The following LRP1B variants were observed in gnomAD, a reference collection of about 807,000 sequenced individuals.
LRP1B encodes LDL receptor related protein 1B.
Under a neutral mutation model 556.6 loss-of-function variants are expected in LRP1B, and 217 were observed. That is an observed-to-expected ratio of 0.39 (90% confidence interval 0.35 to 0.44). LRP1B has a LOEUF of 0.44. Among genes scored for constraint, LRP1B ranks in the 20% least tolerant of loss-of-function variants. The probability of loss-of-function intolerance (pLI) is 1.00; values close to 1 mark genes in which losing one functional copy is unlikely to be tolerated. For missense variants in LRP1B, 5,053 were observed against 5,620.8 expected (o/e 0.90, Z 3.23); for synonymous variants, 2,047 against 1,865.8 (o/e 1.10, Z -2.50).
At chr2:140,520,015 G>T (rs1690090650) in intron 49 of LRP1B, among the ~76,000 whole-genome samples, 2 of 151,418 alleles carry the variant, frequency 1.3e-5, no homozygotes, top group African/African-American at 4.8e-5. Flanking sequence ...CACTGTTTTT[G>T]GGAGTGTTCA....
chr2:141,337,836 C>T (rs1412418975), intron 3 of LRP1B, among the ~76,000 whole-genome samples: 1 of 152,264 alleles, frequency 6.6e-6, no homozygotes, highest in East Asian at 1.9e-4. Flanking sequence ...TTTTGAAAAA[C>T]CATCTAAAGT....
At chr2:140,696,066 TAAAACATGAATACTTA>T (rs1303845833) in intron 41 of LRP1B, among the ~76,000 whole-genome samples, 1 of 152,168 alleles carries the variant, frequency 6.6e-6, no homozygotes, top group African/African-American at 2.4e-5. Flanking sequence ...GTTAAATACT[TAAAACATGAATACTTA>T]AAAACATGAA....
In LRP1B at chr2:140,356,413, T is replaced by G. The variant is rs1682220843; in HGVS notation, c.11459A>C (p.Gln3820Pro). ...GCGACAGAAAACAGATGTTTTTATT[T>G]GATTACAATATGCATCATCTCCACA... is the stretch of plus-strand genomic sequence containing the variant. ...NPCGDDAYCN[Q>P]IKTSVFCRCK... Residue 3820 changes from glutamine to proline, a missense_variant, in exon 75 of 91, where the codon CAA (glutamine) becomes CCA (proline). By Grantham distance (76) the Gln-to-Pro change is moderately conservative. Coordinates refer to ENST00000389484, the MANE Select transcript of LRP1B (RefSeq NM_018557.3). The G allele has an allele frequency of 6.2e-7, 1 of 1,609,692 alleles. No homozygotes were observed. Among genetic ancestry groups the G allele is most frequent in the Non-Finnish European group, 8.5e-7 (1 of 1,176,710 alleles).
At chr2:140,310,582 G>A (rs939934206) in intron 83 of LRP1B, among the ~76,000 whole-genome samples, 9 of 151,648 alleles carry the variant, frequency 5.9e-5, no homozygotes, top group African/African-American at 2.2e-4. Flanking sequence ...AGAGAACCCA[G>A]GAATAAAGCT....
At chr2:141,485,602 T>A (rs1316885068) in intron 2 of LRP1B, among the ~76,000 whole-genome samples, 1 of 152,142 alleles carries the variant, frequency 6.6e-6, no homozygotes, top group African/African-American at 2.4e-5. Context: ...TTTCATATAC[T>A]GTTGCTTTGG....
At chr2:140,360,837 T>C (rs1320155034) in intron 72 of LRP1B, among the ~76,000 whole-genome samples, 1 of 151,628 alleles carries the variant, frequency 6.6e-6, no homozygotes, top group Admixed American at 6.6e-5. Flanking sequence ...TTCTGTTGCT[T>C]GCTGTTAAGA....
chr2:141,713,821 C>A (rs569671020), intron 2 of LRP1B, among the ~76,000 whole-genome samples: 1 of 152,204 alleles, frequency 6.6e-6, no homozygotes, highest in Non-Finnish European at 1.5e-5. Context: ...GTATTTGTTT[C>A]ATTCCCTGCT....
chr2:140,374,704 A>G (rs1192076951), intron 68 of LRP1B, among the ~76,000 whole-genome samples: 1 of 152,130 alleles, frequency 6.6e-6, no homozygotes, highest in Non-Finnish European at 1.5e-5. Context: ...GTAAATTAAC[A>G]TCTCATATAA....
chr2:140,990,385 C>T (rs1697056348), intron 16 of LRP1B, among the ~76,000 whole-genome samples: 1 of 151,504 alleles, frequency 6.6e-6, no homozygotes, highest in Non-Finnish European at 1.5e-5. Flanking sequence ...TTTTTTAAAC[C>T]ACATAAACAT....
intron 6 of LRP1B, among the ~76,000 whole-genome samples, chr2:141,195,662 CAG>C (rs1396707221): frequency 6.6e-6 from 1 of 152,046 alleles, no homozygotes; most frequent in Non-Finnish European, 1.5e-5. Context: ...GCTGAAAACA[CAG>C]AGGATAATCC....
chr2:141,808,235 A>C (rs1696224922), intron 2 of LRP1B, among the ~76,000 whole-genome samples: 1 of 152,112 alleles, frequency 6.6e-6, no homozygotes, highest in African/African-American at 2.4e-5. Context: ...GCTTTCCTGC[A>C]TATGAATTCT....
At chr2:141,043,566 A>C (rs1291668444) in intron 11 of LRP1B, among the ~76,000 whole-genome samples, 2 of 152,092 alleles carry the variant, frequency 1.3e-5, no homozygotes, top group East Asian at 3.9e-4. Context: ...TGCAAGCATT[A>C]ATATTCAAAT....
At chr2:140,932,193 CCTTT>C (rs1216874533) in intron 20 of LRP1B, among the ~76,000 whole-genome samples, 4 of 151,898 alleles carry the variant, frequency 2.6e-5, no homozygotes, top group South Asian at 2.1e-4. Context: ...TTACTTCATC[CCTTT>C]CTTCTCCCTT....
intron 1 of LRP1B, among the ~76,000 whole-genome samples, chr2:141,815,866 T>G (rs1696527917): frequency 6.6e-6 from 1 of 151,224 alleles, no homozygotes; most frequent in Admixed American, 6.6e-5. Flanking sequence ...AGCTTCATGC[T>G]TGAAGTCAGC....
intron 66 of LRP1B, among the ~76,000 whole-genome samples, chr2:140,396,529 C>T (rs1246891923): frequency 6.6e-6 from 1 of 152,126 alleles, no homozygotes. Flanking sequence ...CTCCAATTAA[C>T]ATATAACAGA....
At chr2:141,138,910 A>C (rs1423216584) in intron 7 of LRP1B, among the ~76,000 whole-genome samples, 1 of 151,982 alleles carries the variant, frequency 6.6e-6, no homozygotes, top group African/African-American at 2.4e-5. Context: ...AGCCAATAAC[A>C]GCTTTGGATA....
chr2:142,017,454 A>G (rs1703184922), intron 1 of LRP1B, among the ~76,000 whole-genome samples: 1 of 152,146 alleles, frequency 6.6e-6, no homozygotes, highest in Non-Finnish European at 1.5e-5. Context: ...GGATTACCTG[A>G]TTTTAAATGT....
Position 140,825,162 on chromosome 2 carries a change from A to G in LRP1B, c.5210-11356T>C, listed in dbSNP as rs115901387. The stretch of plus-strand genomic sequence containing the variant: ...GAGGTCAGGGAAGGGTTCTTGGAAA[A>G]CAACACTTGGCTTATTAGATAGGAG... On this transcript the variant is annotated intron_variant, in intron 31 of 90. Transcript: ENST00000389484. 4.3e-3 allele frequency among the ~76,000 whole-genome samples: 650 copies of G among 152,286 alleles called. 6 individuals carry two copies. The highest frequency in any genetic ancestry group is 0.015 in the African/African-American group (631 of 41,568).
intron 2 of LRP1B, among the ~76,000 whole-genome samples, chr2:141,677,630 C>T (rs141700535): frequency 1.1e-4 from 17 of 152,230 alleles, no homozygotes; most frequent in African/African-American, 3.9e-4. Flanking sequence ...GCTGGGATTA[C>T]AGGCATGCGC....
Sources: allele counts gnomAD v4.1 joint callset (sites outside exome capture counted in the v4.1 genomes callset), GRCh38; gene constraint gnomAD v4.1.1; transcripts MANE v1.5; gene names NCBI Gene and HGNC (gene_info 2026-07-23, HGNC 2026-07-21).